MRPL52: variants seen among roughly 807,000 people sequenced by gnomAD.
The protein encoded by MRPL52 is mitochondrial ribosomal protein L52.
A neutral mutation model predicts 22.1 loss-of-function variants in MRPL52; 19 were observed. The ratio of observed to expected loss-of-function variants is 0.86; its 90% CI spans 0.60 to 1.26. MRPL52 has a LOEUF of 1.26. Among genes scored for constraint, MRPL52 ranks in the 50% most tolerant of loss-of-function variants. The probability of loss-of-function intolerance (pLI) is 0.00; values close to 1 mark genes in which losing one functional copy is unlikely to be tolerated. For synonymous variants in MRPL52, 50 were observed against 57.5 expected, an observed-to-expected ratio of 0.87 and a Z score of 0.59; for missense variants, 152 against 148.1, an observed-to-expected ratio of 1.03 and a Z score of -0.14.
In MRPL52 at chr14:22,834,358, G is replaced by A. The variant is rs183884886; in HGVS notation, c.*37G>A. The A allele has an allele frequency of 9.3e-4, 1,469 of 1,581,020 alleles. 2 individuals carry two copies. The highest frequency in any genetic ancestry group is 1.0e-3 in the Non-Finnish European group (1,188 of 1,165,890). On this transcript the variant is annotated 3_prime_UTR_variant, in exon 5 of 5. Coordinates refer to ENST00000397496, the MANE Select transcript of MRPL52 (RefSeq NM_180982.3). ...TGCCTCCCTTCCTCACCCTGTCTCT[G>A]GATTTCTTTTCTATCACCTAGATGC...
At chr14:22,833,589 G>A (rs1167803048) in intron 4 of MRPL52, 107 bp downstream of exon 4, 1 of 754,292 alleles carries the variant, frequency 1.3e-6, no homozygotes, top group Non-Finnish European at 2.2e-6. Flanking sequence ...CTCATACAGA[G>A]GTTTTATTAA....
At chr14:22,830,430 A>C in intron 3 of MRPL52, 176 bp downstream of exon 3, 1 of 656,894 alleles carries the variant, frequency 1.5e-6, no homozygotes. Context: ...TTGCATTTCG[A>C]CTAAGGAAGG....
Position 22,834,295 on chromosome 14 carries a change from C to A in MRPL52, c.343C>A (p.Leu115Met). 1 of 1,613,702 alleles carries A rather than the reference C, an allele frequency of 6.2e-7. No homozygotes were observed. The highest frequency in any genetic ancestry group is 8.5e-7 in the Non-Finnish European group (1 of 1,179,876). The stretch of plus-strand genomic sequence containing the variant: ...TGCTCTTAAACCCAAAGGGGCTTCA[C>A]TGAAGAGCCCACTTCCAAGTCAATA... The part of the protein sequence containing the change: ...ENALKPKGAS[L>M]KSPLPSQ The change falls in exon 5 of 5, where the codon CTG (leucine) becomes ATG (methionine). Residue 115 changes from leucine (L) to methionine (M), a missense_variant. Leu to Met is a conservative substitution (Grantham distance 15). Coordinates refer to ENST00000397496, the MANE Select transcript of MRPL52 (RefSeq NM_180982.3).
chr14:22,833,155 C>T, intron 3 of MRPL52: 1 of 286,478 alleles, frequency 3.5e-6, no homozygotes, highest in Non-Finnish European at 6.6e-6. Context: ...TCCTACCTGG[C>T]AACAGAGCGA....
chr14:22,829,976 G>T, intron 1 of MRPL52, 36 bp downstream of exon 1: 1 of 1,612,406 alleles, frequency 6.2e-7, no homozygotes, highest in Non-Finnish European at 8.5e-7. Context: ...GGACTCGGGG[G>T]CCCTTTGGGG....
intron 3 of MRPL52, chr14:22,831,062 A>G: frequency 2.4e-6 from 2 of 828,824 alleles, no homozygotes; most frequent in African/African-American, 1.8e-5. Flanking sequence ...ATCTCCTTGT[A>G]GTAGTATGGA....
rs201026007 is a variant in MRPL52 at position 22,830,224 on chromosome 14, C to T, written c.124C>T (p.Leu42Phe). 1.0e-4 allele frequency: 166 copies of T among 1,614,262 alleles called. No homozygotes were observed. The highest frequency in any genetic ancestry group is 5.3e-4 in the Admixed American group (32 of 60,030). Reference sequence around the variant, plus strand: ...TGCCAACCCCTCCGGCTACGGGCCCCTTACCGAGCTCCCAGACTGGTCATA... The same window carrying T: ...TGCCAACCCCTCCGGCTACGGGCCCTTTACCGAGCTCCCAGACTGGTCATA... The part of the protein sequence containing the change: ...LAANPSGYGP[L>F]TELPDWSYAD... Residue 42 changes from leucine to phenylalanine, a missense_variant, in exon 3 of 5, where the codon CTT becomes TTT. Transcript: ENST00000397496.
Position 22,830,848 on chromosome 14 carries a change from G to C in MRPL52, c.154+594G>C, listed in dbSNP as rs2039592180. ...AGTAGGAAATTTGAGGCCTACAGAA[G>C]TGAATTGCACATGATCATACAGCTA... On this transcript the variant is annotated intron_variant, in intron 3 of 4. Coordinates refer to ENST00000397496, the MANE Select transcript of MRPL52 (RefSeq NM_180982.3). The C allele has an allele frequency of 5.9e-6, 4 of 674,404 alleles. No homozygotes were observed. In the South Asian group the frequency reaches 8.0e-5, roughly 13 times the overall value. 41.8% of individuals were successfully genotyped at this position (674,404 alleles called of 1,614,324 possible).
chr14:22,830,468 G>GAGAT, intron 3 of MRPL52: 1 of 594,866 alleles, frequency 1.7e-6, no homozygotes, highest in Non-Finnish European at 2.9e-6. Context: ...TTGGCTTGTG[G>GAGAT]AGATAAGCAG....
At position 22,830,449 on chromosome 14, in the gene MRPL52, A is replaced by G. The variant is rs927550385; in HGVS notation, c.154+195A>G. The G allele has an allele frequency of 8.0e-6, 5 of 626,160 alleles. No individual in the cohort carries two copies. The Admixed American group carries it at 8.6e-5, about 11-fold the overall frequency. The allele number at this position is 626,160 out of a possible 1,614,324, so 38.8% of individuals were successfully genotyped here. ...ATTTCGACTAAGGAAGGTAAAGCTA[A>G]ACAGGATCTTGGCTTGTGGAGATAA... On this transcript the variant is annotated intron_variant, in intron 3 of 4. Transcript: ENST00000397496.
chr14:22,831,970 G>A (rs1353121515), intron 3 of MRPL52: 1 of 152,186 alleles, frequency 6.6e-6, no homozygotes, highest in African/African-American at 2.4e-5. Context: ...TCATGCCATT[G>A]CACTCCAGCC....
chr14:22,832,528 G>A (rs1245445280), intron 3 of MRPL52, among the ~76,000 whole-genome samples: 2 of 151,970 alleles, frequency 1.3e-5, no homozygotes, highest in African/African-American at 4.8e-5. Flanking sequence ...TTTTAGTAGA[G>A]ACAGGGTTTC....
chr14:22,831,075 A>G (rs193279078), intron 3 of MRPL52: 2 of 681,440 alleles, frequency 2.9e-6, no homozygotes, highest in East Asian at 9.0e-5. Context: ...AGTATGGACT[A>G]TTGGAAAGAC....
intron 3 of MRPL52, chr14:22,831,372 C>T: frequency 5.1e-6 from 1 of 196,030 alleles, no homozygotes; most frequent in Non-Finnish European, 1.0e-5. Flanking sequence ...CTTCAGCCTC[C>T]CAAAGTGCTG....
intron 3 of MRPL52, chr14:22,830,652 T>C (rs1312174108): frequency 2.6e-6 from 1 of 389,260 alleles, no homozygotes; most frequent in Non-Finnish European, 4.6e-6. Context: ...GAAATAAGCG[T>C]CTCAGAGGGG....
chr14:22,834,330 T>A lies in MRPL52; in HGVS notation c.*9T>A, dbSNP rs374845252. 40 of 1,606,662 alleles carry A rather than the reference T, an allele frequency of 2.5e-5. No individual in the cohort carries two copies. Among genetic ancestry groups the A allele is most frequent in the Non-Finnish European group, 3.4e-5 (40 of 1,177,434 alleles). The stretch of plus-strand genomic sequence containing the variant: ...CACTTCCAAGTCAATAAAAAGCAAC[T>A]CCTGCCTCCCTTCCTCACCCTGTCT... On this transcript the variant is annotated 3_prime_UTR_variant, in exon 5 of 5. Coordinates refer to ENST00000397496, the MANE Select transcript of MRPL52 (RefSeq NM_180982.3).
chr14:22,830,570 C>T lies in MRPL52; in HGVS notation c.154+316C>T, dbSNP rs866626888. 58 of 441,764 alleles carry T rather than the reference C, an allele frequency of 1.3e-4. 1 individual carries two copies. The highest frequency in any genetic ancestry group is 1.2e-3 in the Middle Eastern group (2 of 1,696). The allele number at this position is 441,764 out of a possible 1,614,324, so 27.4% of individuals were successfully genotyped here. A position where few individuals can be genotyped will look rare whatever the true frequency, so the allele number is the denominator to read the frequency against. Reference sequence around the variant, plus strand: ...GGGACATTTTTTTTTAACCAAGAACCACTTTTCTCTGTGGTTAGTGAATTT... The same window carrying T: ...GGGACATTTTTTTTTAACCAAGAACTACTTTTCTCTGTGGTTAGTGAATTT... On this transcript the variant is annotated intron_variant, in intron 3 of 4. Transcript: ENST00000397496.
intron 3 of MRPL52, 183 bp downstream of exon 3, chr14:22,830,437 A>AAGG (rs2039580984): frequency 3.1e-6 from 2 of 641,044 alleles, no homozygotes; most frequent in East Asian, 2.7e-5. Flanking sequence ...TCGACTAAGG[A>AAGG]AGGTAAAGCT....
chr14:22,832,481 C>T (rs1380292623), intron 3 of MRPL52, among the ~76,000 whole-genome samples: 1 of 151,970 alleles, frequency 6.6e-6, no homozygotes, highest in African/African-American at 2.4e-5. Context: ...GTTGAGACTA[C>T]AGGCGCCCAC....
Sources: gnomAD v4.1 joint callset for allele counts (sites outside exome capture counted in the v4.1 genomes callset) on GRCh38, gnomAD v4.1.1 for gene constraint, MANE v1.5 for transcripts, NCBI Gene and HGNC (gene_info 2026-07-23, HGNC 2026-07-21) for gene names.